Variants in EIF5B observed in about 807,000 individuals in gnomAD.
EIF5B encodes the protein eukaryotic translation initiation factor 5B, also known as eIF-5B.
In EIF5B, 47 loss-of-function variants were observed where a neutral mutation model predicts 147.5. The observed-to-expected ratio is 0.32, with a 90% confidence interval of 0.25 to 0.41. EIF5B has a LOEUF of 0.41. Among genes scored for constraint, EIF5B ranks in the 10% least tolerant of loss-of-function variants. The pLI is 1.00. For synonymous variants in EIF5B, 455 were observed against 456.2 expected (o/e 1.00, Z 0.03); for missense variants, 1,064 against 1,413.2 (o/e 0.75, Z 3.96).
intron 18 of EIF5B, among the ~76,000 whole-genome samples, chr2:99,393,832 C>T (rs1050959261): frequency 3.9e-5 from 6 of 152,160 alleles, no homozygotes; most frequent in East Asian, 3.9e-4. Flanking sequence ...TTCCATTTCC[C>T]GACAAGCAGT....
In EIF5B at chr2:99,398,738, T is replaced by C. The variant is rs1245302413; in HGVS notation, c.3394-10T>C. The C allele has an allele frequency of 4.4e-6, 7 of 1,603,682 alleles. No individual in the cohort carries two copies. The highest frequency in any genetic ancestry group is 6.0e-6 in the Non-Finnish European group (7 of 1,175,900). ...TTCTGCATGCATTTTAATTTGTTCT[T>C]ATTTTATAGTTTGTTGACATCGGAA... On this transcript the variant is annotated splice_polypyrimidine_tract_variant and intron_variant, in intron 22 of 23. Coordinates refer to ENST00000289371, the MANE Select transcript of EIF5B (RefSeq NM_015904.4).
intron 17 of EIF5B, among the ~76,000 whole-genome samples, chr2:99,391,339 A>G (rs1674925319): frequency 6.6e-6 from 1 of 152,178 alleles, no homozygotes; most frequent in South Asian, 2.1e-4. Context: ...AGAAAATCTG[A>G]GTATAAGTGG....
chr2:99,394,180 T>G lies in EIF5B; in HGVS notation c.2881-87T>G. 4 of 1,506,714 alleles carry G rather than the reference T, an allele frequency of 2.7e-6. No individual in the cohort carries two copies. The South Asian group carries it at 5.5e-5, about 21-fold the overall frequency. The allele number at this position is 1,506,714 out of a possible 1,614,324, so 93.3% of individuals were successfully genotyped here. A position where few individuals can be genotyped will look rare whatever the true frequency, so the allele number is the denominator to read the frequency against. On this transcript the variant is annotated intron_variant, in intron 18 of 23. Coordinates refer to ENST00000289371, the MANE Select transcript of EIF5B (RefSeq NM_015904.4). Reference sequence around the variant, plus strand: ...AGTTTCATATTTGCAGATGAGTACTTAACCAAAGAGAGAAACACAATTTAA... The same window carrying G: ...AGTTTCATATTTGCAGATGAGTACTGAACCAAAGAGAGAAACACAATTTAA...
chr2:99,339,235 A>G lies in EIF5B; in HGVS notation c.35+1646A>G, dbSNP rs372542231. 1.5e-3 allele frequency among the ~76,000 whole-genome samples: 220 copies of G among 151,518 alleles called. 11 individuals carry two copies. In the South Asian group the frequency reaches 0.041, roughly 28 times the overall value. Reference sequence around the variant, plus strand: ...TCCATGTTGGTCAGGCTGGTCTCGAACTCCCGACCTCAGGTGATCCGCCCG... The same window carrying G: ...TCCATGTTGGTCAGGCTGGTCTCGAGCTCCCGACCTCAGGTGATCCGCCCG... On this transcript the variant is annotated intron_variant, in intron 1 of 23. Transcript: ENST00000289371.
chr2:99,361,659 T>C lies in EIF5B; in HGVS notation c.758T>C (p.Leu253Pro), dbSNP rs770169760. 44 of 1,596,876 alleles carry C rather than the reference T, an allele frequency of 2.8e-5. No homozygotes were observed. Among genetic ancestry groups the C allele is most frequent in the Non-Finnish European group, 3.5e-5 (41 of 1,176,084 alleles). ...GAAGAAAAAGCGAAACTGCGGAAGC[T>C]GAAAGAAAAAGAAGAGTTAGAAACA... ...RDEEKAKLRK[L>P]KEKEELETGK... is the part of the protein sequence containing the mutation. The change falls in exon 4 of 24, where the codon CTG (leucine) becomes CCG (proline). Residue 253 changes from leucine to proline, a missense_variant. By Grantham distance (98) the Leu-to-Pro change is moderately conservative. Coordinates refer to ENST00000289371, the MANE Select transcript of EIF5B (RefSeq NM_015904.4).
chr2:99,340,016 T>C (rs1470854780), intron 1 of EIF5B, among the ~76,000 whole-genome samples: 2 of 152,200 alleles, frequency 1.3e-5, no homozygotes, highest in African/African-American at 4.8e-5. Context: ...CATATACCAA[T>C]ATATGAAATT....
At position 99,390,440 on chromosome 2, in the gene EIF5B, T is replaced by TA. The variant is rs778399450; in HGVS notation, c.2586+39_2586+40insA. ...TTTCAGTTTATTGTTTTTTTTTTTT[T>TA]TAAAAATAGCAAGTTCCTTGAGTGG... On this transcript the variant is annotated intron_variant, in intron 16 of 23. Coordinates refer to ENST00000289371, the MANE Select transcript of EIF5B (RefSeq NM_015904.4). The TA allele has an allele frequency of 5.5e-4, 870 of 1,572,822 alleles. 2 individuals carry two copies. In the African/African-American group the frequency reaches 8.3e-3, roughly 15 times the overall value.
Position 99,369,374 on chromosome 2 carries a change from T to C in EIF5B, c.1388-18T>C. On this transcript the variant is annotated intron_variant, in intron 7 of 23. Transcript: ENST00000289371. ...TACACCAAAAAAAATATTATCTTGG[T>C]TTCTGCCCCTTTTTCAGTGTCTGAA... 1 of 1,594,356 alleles carries C rather than the reference T, an allele frequency of 6.3e-7. No individual in the cohort carries two copies. The highest frequency in any genetic ancestry group is 8.6e-7 in the Non-Finnish European group (1 of 1,169,120).
At chr2:99,353,946 G>A (rs546638442) in intron 1 of EIF5B, among the ~76,000 whole-genome samples, 5 of 152,304 alleles carry the variant, frequency 3.3e-5, no homozygotes, top group African/African-American at 9.6e-5. Flanking sequence ...AAGGACATGT[G>A]GGTTGTTTCC....
chr2:99,363,143 T>G (rs550564845), intron 4 of EIF5B, among the ~76,000 whole-genome samples: 1 of 152,334 alleles, frequency 6.6e-6, no homozygotes, highest in East Asian at 1.9e-4. Context: ...TTTAATTCTT[T>G]AGAGTTCTTG....
In EIF5B at chr2:99,400,494, TATTTTA is replaced by T. The variant is rs547476487; in HGVS notation, c.*1082_*1087del. On this transcript the variant is annotated 3_prime_UTR_variant, in exon 24 of 24. Transcript: ENST00000289371. ...CTAGCATAGAATTTTAAACTATTTT[TATTTTA>T]AAGTTATGGCATAACATATAACATA... The T allele has an allele frequency of 1.3e-5, 2 of 152,324 alleles. No individual in the cohort carries two copies. Among genetic ancestry groups the T allele is most frequent in the East Asian group, 3.9e-4 (2 of 5,190 alleles). The allele number at this position is 152,324 out of a possible 1,614,324, so 9.4% of individuals were successfully genotyped here.
intron 9 of EIF5B, among the ~76,000 whole-genome samples, chr2:99,373,187 T>G (rs900697070): frequency 6.6e-6 from 1 of 152,244 alleles, no homozygotes; most frequent in Non-Finnish European, 1.5e-5. Context: ...TTTTCTATCT[T>G]TATGACTCTT....
Position 99,361,207 on chromosome 2 carries a change from G to A in EIF5B, c.306G>A (p.Lys102=). The A allele has an allele frequency of 6.3e-7, 1 of 1,595,102 alleles. No individual in the cohort carries two copies. Among genetic ancestry groups the A allele is most frequent in the African/African-American group, 1.4e-5 (1 of 73,666 alleles). Residue 102 remains lysine, a synonymous_variant, in exon 4 of 24, where the codon AAG becomes AAA. Transcript: ENST00000289371. ...TSKDKKKKGQ[K]GKKQSFDDND... is the part of the protein sequence containing the mutation. ...AAGATAAAAAAAAGAAAGGACAGAA[G>A]GGCAAAAAACAGAGTTTTGATGATA...
At chr2:99,369,569 T>C (rs984577603) in intron 8 of EIF5B, 88 bp downstream of exon 8, 21 of 1,090,786 alleles carry the variant, frequency 1.9e-5, no homozygotes, top group East Asian at 1.1e-4. Flanking sequence ...TTATAAATAA[T>C]TGGGGAGAAC....
At chr2:99,377,753 G>T (rs1249549875) in intron 10 of EIF5B, among the ~76,000 whole-genome samples, 1 of 152,222 alleles carries the variant, frequency 6.6e-6, no homozygotes, top group African/African-American at 2.4e-5. Context: ...CATATGAGGG[G>T]TTAGGGCTTC....
At chr2:99,381,439 T>C (rs980180359) in intron 12 of EIF5B, among the ~76,000 whole-genome samples, 1 of 152,094 alleles carries the variant, frequency 6.6e-6, no homozygotes, top group African/African-American at 2.4e-5. Context: ...TATTTTGATG[T>C]AGATCAGGAT....
At position 99,376,390 on chromosome 2, in the gene EIF5B, A is replaced by AGAG. The variant is rs752087133; in HGVS notation, c.1611_1613dup (p.Glu543dup). 22 of 1,519,212 alleles carry AGAG rather than the reference A, an allele frequency of 1.4e-5. No homozygotes were observed. Among genetic ancestry groups the AGAG allele is most frequent in the East Asian group, 1.4e-4 (6 of 42,402 alleles). 94.1% of individuals were successfully genotyped at this position (1,519,212 alleles called of 1,614,324 possible). A position where few individuals can be genotyped will look rare whatever the true frequency, so the allele number is the denominator to read the frequency against. Reference sequence around the variant, plus strand: ...ATATAGAAGTAAAAGAAAACCCTGAAGAGGAGGAGGAGGAGGAAGAAGAGG... The same window carrying AGAG: ...ATATAGAAGTAAAAGAAAACCCTGAAGAGGAGGAGGAGGAGGAGGAAGAAGAGG... On this transcript the variant is annotated inframe_insertion, in exon 10 of 24. Coordinates refer to ENST00000289371, the MANE Select transcript of EIF5B (RefSeq NM_015904.4).
chr2:99,376,291 G>A, intron 9 of EIF5B, 56 bp from the exon 10 acceptor site: 1 of 1,154,720 alleles, frequency 8.7e-7, no homozygotes, highest in Non-Finnish European at 1.2e-6. Flanking sequence ...CTCTTATCTT[G>A]ATATAAATCT....
chr2:99,343,702 T>A (rs573078450), intron 1 of EIF5B, among the ~76,000 whole-genome samples: 3 of 151,688 alleles, frequency 2.0e-5, no homozygotes, highest in South Asian at 4.2e-4. Context: ...TAGTCCCAGC[T>A]ACTCGGGAGG....
Sources: gnomAD v4.1 joint callset for allele counts (sites outside exome capture counted in the v4.1 genomes callset) on GRCh38, gnomAD v4.1.1 for gene constraint, MANE v1.5 for transcripts, NCBI Gene and HGNC (gene_info 2026-07-23, HGNC 2026-07-21) for gene names.